MTAP: variants seen among roughly 807,000 people sequenced by gnomAD.
MTAP encodes the protein methylthioadenosine phosphorylase.
In MTAP, 33 loss-of-function variants were observed where a neutral mutation model predicts 33.6. The observed-to-expected ratio is 0.98, with a 90% CI of 0.74 to 1.31. MTAP has a LOEUF of 1.31. Among genes scored for constraint, MTAP ranks in the 40% most tolerant of loss-of-function variants. The pLI, the probability that MTAP is intolerant of heterozygous loss-of-function variation, is 0.00. For missense variants in MTAP, 367 were observed against 360.0 expected (o/e 1.02, Z -0.16); for synonymous variants, 148 against 125.7 (o/e 1.18, Z -1.19).
chr9:21,882,030 T>C (rs1391867858), intron 1 of MTAP, among the ~76,000 whole-genome samples: 1 of 150,834 alleles, frequency 6.6e-6, no homozygotes, highest in Non-Finnish European at 1.5e-5. Flanking sequence ...TAAAACAAAA[T>C]ATTATTCAAC....
chr9:21,867,975 C>G (rs149949468), downstream of MTAP, among the ~76,000 whole-genome samples: 7 of 152,106 alleles, frequency 4.6e-5, no homozygotes, highest in African/African-American at 1.7e-4. Context: ...CAGTATGGAA[C>G]AATGTTCATG....
In MTAP at chr9:21,922,382, C is replaced by G. The variant is rs1347704006; in HGVS notation, c.148-8626C>G. Among the ~76,000 whole-genome samples, 1 of 152,058 alleles carries G rather than the reference C, an allele frequency of 6.6e-6. No homozygotes were observed. The highest frequency in any genetic ancestry group is 1.5e-5 in the Non-Finnish European group (1 of 68,022). On this transcript the variant is annotated intron_variant, in intron 1 of 1. Coordinates refer to the MTAP transcript ENST00000577563. This position sits in a 1 kb window ranked among gnomAD's most constrained non-coding sequence, Gnocchi z 4.8. ...CCCAAGTCAAAGGTCAAACAGGGCA[C>G]TTGGATTTCTCAGGTTGCCAACTTG...
At chr9:21,858,059 C>T (rs992712236) in intron 6 of MTAP, among the ~76,000 whole-genome samples, 9 of 152,074 alleles carry the variant, frequency 5.9e-5, no homozygotes, top group Non-Finnish European at 1.0e-4. Context: ...TTGTTTGGTT[C>T]GGTTTGTGAT....
intron 1 of MTAP, among the ~76,000 whole-genome samples, chr9:21,901,099 GTA>G (rs1452348286): frequency 1.3e-5 from 2 of 152,120 alleles, no homozygotes; most frequent in Non-Finnish European, 2.9e-5. Flanking sequence ...GGAATAATCT[GTA>G]TACCAAACTC....
At chr9:21,897,260 C>A (rs1157093056) in intron 1 of MTAP, among the ~76,000 whole-genome samples, 1 of 152,070 alleles carries the variant, frequency 6.6e-6, no homozygotes, top group Non-Finnish European at 1.5e-5. Flanking sequence ...TATGACAAAC[C>A]CACAGCCAAT....
At chr9:21,903,696 G>A (rs1818426605) in intron 1 of MTAP, among the ~76,000 whole-genome samples, 1 of 152,152 alleles carries the variant, frequency 6.6e-6, no homozygotes, top group Admixed American at 6.5e-5. Flanking sequence ...AAGTTCCCTT[G>A]TCACTCTCAA....
chr9:21,858,217 A>C (rs568763498), intron 6 of MTAP, among the ~76,000 whole-genome samples: 4 of 152,292 alleles, frequency 2.6e-5, no homozygotes, highest in Admixed American at 2.6e-4. Context: ...TAACATTGTA[A>C]TCCCTTCGGC....
chr9:21,856,870 G>A (rs879491952), intron 6 of MTAP, among the ~76,000 whole-genome samples: 1 of 152,210 alleles, frequency 6.6e-6, no homozygotes, highest in South Asian at 2.1e-4. Context: ...CACATTGGGC[G>A]AGTTATTTCA....
intron 4 of MTAP, among the ~76,000 whole-genome samples, chr9:21,820,021 C>A (rs943014636): frequency 3.9e-5 from 6 of 152,086 alleles, no homozygotes; most frequent in African/African-American, 1.4e-4. Context: ...TGTTTGAGTT[C>A]TTTGTAGATT....
intron 5 of MTAP, among the ~76,000 whole-genome samples, chr9:21,839,909 C>G (rs899620121): frequency 3.3e-5 from 5 of 152,058 alleles, no homozygotes; most frequent in Non-Finnish European, 5.9e-5. Context: ...AAGCTGGTAA[C>G]AGGAAACAGG....
At chr9:21,872,254 G>T (rs571661173) in intron 1 of MTAP, among the ~76,000 whole-genome samples, 1 of 152,300 alleles carries the variant, frequency 6.6e-6, no homozygotes, top group South Asian at 2.1e-4. Flanking sequence ...AAGGCGGGAG[G>T]TTGCAGTGAG....
intron 6 of MTAP, among the ~76,000 whole-genome samples, chr9:21,858,596 C>T (rs547462951): frequency 6.6e-6 from 1 of 152,304 alleles, no homozygotes; most frequent in Admixed American, 6.5e-5. Context: ...ATCAGTAAAA[C>T]AGCACCTGAG....
chr9:21,903,978 G>A (rs1248068545), intron 1 of MTAP, among the ~76,000 whole-genome samples: 3 of 152,186 alleles, frequency 2.0e-5, no homozygotes, highest in African/African-American at 4.8e-5. Flanking sequence ...AGAATCACAC[G>A]TGGACTTGGA....
intron 1 of MTAP, among the ~76,000 whole-genome samples, chr9:21,874,487 C>G (rs79757420): frequency 2.6e-4 from 40 of 152,174 alleles, no homozygotes; most frequent in African/African-American, 9.4e-4. Context: ...TAGGCCATCT[C>G]TTTTAGTAAA....
intron 1 of MTAP, among the ~76,000 whole-genome samples, chr9:21,881,735 C>T (rs1299788680): frequency 1.3e-5 from 2 of 151,812 alleles, no homozygotes; most frequent in South Asian, 2.1e-4. Context: ...GAAAATGTTG[C>T]CATAGATGTG....
At chr9:21,940,018 C>T (rs2811716), downstream of MTAP, among the ~76,000 whole-genome samples, 97,263 of 151,824 alleles carry the variant, frequency 0.64, 33,311 homozygotes, top group South Asian at 0.85. Flanking sequence ...TGGTGGCTCA[C>T]GCCTGTAATC....
intron 1 of MTAP, among the ~76,000 whole-genome samples, chr9:21,899,394 GGAAGGA>G (rs1396097375): frequency 1.3e-5 from 2 of 149,252 alleles, no homozygotes; most frequent in African/African-American, 2.5e-5. Context: ...ATGGAAGGAA[GGAAGGA>G]GAAGGGGAAG....
Position 21,865,484 on chromosome 9 carries a change from A to T in MTAP, c.*3470A>T. 6.1e-6 allele frequency: 6 copies of T among 985,548 alleles called. No homozygotes were observed. Among genetic ancestry groups the T allele is most frequent in the Non-Finnish European group, 7.2e-6 (6 of 829,952 alleles). 61.1% of individuals were successfully genotyped at this position (985,548 alleles called of 1,614,324 possible). A position where few individuals can be genotyped will look rare whatever the true frequency, so the allele number is the denominator to read the frequency against. Reference sequence around the variant, plus strand: ...AAGATTGTTGCACCTTGGAACTACCAGTGTGCACACAATCTGGCTCAATGT... The same window carrying T: ...AAGATTGTTGCACCTTGGAACTACCTGTGTGCACACAATCTGGCTCAATGT... On this transcript the variant is annotated 3_prime_UTR_variant, in exon 8 of 8. Transcript: ENST00000644715.
chr9:21,858,207 T>A (rs1323014289), intron 6 of MTAP, among the ~76,000 whole-genome samples: 2 of 152,222 alleles, frequency 1.3e-5, no homozygotes, highest in Non-Finnish European at 2.9e-5. Flanking sequence ...GCAACAGTTT[T>A]AACATTGTAA....
Sources: gnomAD v4.1 joint callset for allele counts (sites outside exome capture counted in the v4.1 genomes callset) on GRCh38, gnomAD v4.1.1 for gene constraint, Gnocchi (gnomAD v3.1) non-coding constraint, MANE v1.5 for transcripts, NCBI Gene and HGNC (gene_info 2026-07-23, HGNC 2026-07-21) for gene names.